AKAP6: variants seen among roughly 807,000 people sequenced by gnomAD.
AKAP6 encodes the protein A-kinase anchor protein 6.
Under a neutral mutation model 188.5 loss-of-function variants are expected in AKAP6, and 58 were observed. That is an observed-to-expected ratio of 0.31 (90% CI 0.25 to 0.38). AKAP6 has a LOEUF of 0.38. AKAP6 is among the 10% of genes least tolerant of loss of function. The pLI, the probability that AKAP6 is intolerant of heterozygous loss-of-function variation, is 1.00. For missense variants in AKAP6, 2,710 were observed against 2,740.0 expected (o/e 0.99, Z 0.24); for synonymous variants, 989 against 998.6 (o/e 0.99, Z 0.18).
chr14:32,547,780 G>T (rs1594732650), intron 4 of AKAP6, among the ~76,000 whole-genome samples: 1 of 151,854 alleles, frequency 6.6e-6, no homozygotes, highest in Admixed American at 6.6e-5. Context: ...GGAGGTTGAG[G>T]CTGCAGTGAG....
At chr14:32,346,221 A>G (rs1420984347) in intron 1 of AKAP6, among the ~76,000 whole-genome samples, 2 of 152,150 alleles carry the variant, frequency 1.3e-5, no homozygotes, top group African/African-American at 2.4e-5. Flanking sequence ...TGTGAAATTC[A>G]TGCTGGAGCT....
intron 1 of AKAP6, among the ~76,000 whole-genome samples, chr14:32,369,206 A>G (rs1214659754): frequency 1.3e-5 from 2 of 152,196 alleles, no homozygotes; most frequent in African/African-American, 4.8e-5. Flanking sequence ...ATATGCAGTG[A>G]GGTGGAAGGA....
chr14:32,537,392 T>C (rs1164640758), intron 3 of AKAP6, among the ~76,000 whole-genome samples: 1 of 152,188 alleles, frequency 6.6e-6, no homozygotes, highest in Non-Finnish European at 1.5e-5. Flanking sequence ...GGGACTGTTG[T>C]GGTTATGGGA....
intron 9 of AKAP6, among the ~76,000 whole-genome samples, chr14:32,700,295 C>T (rs981490793): frequency 6.6e-6 from 1 of 152,144 alleles, no homozygotes; most frequent in African/African-American, 2.4e-5. Context: ...TGACAGATCT[C>T]CTAGTGATCC....
chr14:32,823,326 A>T lies in AKAP6; in HGVS notation c.5513A>T (p.Asn1838Ile). 6.2e-7 allele frequency: 1 copy of T among 1,613,880 alleles called. No individual in the cohort carries two copies. ...GATATAAGTAGCAGTGAGATGACCA[A>T]TCCCTCTGATACTCTGAATATTGAG... Reference protein sequence around the residue: ...SKDISSSEMTNPSDTLNIETL... With the variant: ...SKDISSSEMTIPSDTLNIETL... Residue 1838 changes from asparagine (N) to isoleucine (I), a missense_variant, in exon 13 of 14, where the codon AAT becomes ATT. Asn to Ile is a moderately radical substitution (Grantham distance 149, BLOSUM62 -3). This residue lies in a region of AKAP6 where 2,473 missense variants were observed against 2,426.1 expected (regional missense o/e 1.02). Transcript: ENST00000280979.
intron 1 of AKAP6, among the ~76,000 whole-genome samples, chr14:32,408,631 A>G (rs1318028876): frequency 6.6e-6 from 1 of 151,922 alleles, no homozygotes; most frequent in Non-Finnish European, 1.5e-5. Context: ...GAATACAAGT[A>G]AATTGAGTGT....
chr14:32,507,591 A>T (rs966078223), intron 2 of AKAP6, among the ~76,000 whole-genome samples: 1 of 150,818 alleles, frequency 6.6e-6, no homozygotes, highest in Non-Finnish European at 1.5e-5. Context: ...CTACACACGC[A>T]GCAAGGTATT....
rs372234999 is a variant in AKAP6 at position 32,798,335 on chromosome 14, G to A, written c.3589-23067G>A. ...TTCACCCACTGTGGAAAGCAGTTTG[G>A]AGAGTTCTCAAAGAACTTAAAACCA... On this transcript the variant is annotated intron_variant, in intron 12 of 13. Coordinates refer to ENST00000280979, the MANE Select transcript of AKAP6 (RefSeq NM_004274.5). Among the ~76,000 whole-genome samples the A allele has an allele frequency of 2.6e-5, 4 of 152,240 alleles. No homozygotes were observed. The East Asian group carries it at 5.8e-4, about 22-fold the overall frequency.
chr14:32,595,043 C>G (rs1308015695), intron 5 of AKAP6, among the ~76,000 whole-genome samples: 1 of 152,024 alleles, frequency 6.6e-6, no homozygotes, highest in East Asian at 1.9e-4. Flanking sequence ...TTCTTCTATT[C>G]ACTTAGAAGG....
In AKAP6 at chr14:32,508,160, T is replaced by G. The variant is rs550145332; in HGVS notation, c.325-27394T>G. On this transcript the variant is annotated intron_variant, in intron 2 of 13. Transcript: ENST00000280979. ...CTTGATAAACTGGAATTAGGACTTT[T>G]GAATCTATCCTAACAGTCCTTAAGG... Among the ~76,000 whole-genome samples, 9 of 152,364 alleles carry G rather than the reference T, an allele frequency of 5.9e-5. No homozygotes were observed. The East Asian group carries it at 1.3e-3, about 23-fold the overall frequency.
intron 5 of AKAP6, among the ~76,000 whole-genome samples, chr14:32,587,612 G>T (rs1286251539): frequency 6.6e-6 from 1 of 152,116 alleles, no homozygotes; most frequent in Non-Finnish European, 1.5e-5. Flanking sequence ...AGAGAAGAGG[G>T]AATAGATTCA....
chr14:32,627,186 C>G (rs936777672), intron 7 of AKAP6, among the ~76,000 whole-genome samples: 1 of 152,114 alleles, frequency 6.6e-6, no homozygotes, highest in African/African-American at 2.4e-5. Flanking sequence ...CATCTTGTAT[C>G]TGTCCTTAGA....
At chr14:32,692,831 CTTTT>C (rs1890238159) in intron 8 of AKAP6, among the ~76,000 whole-genome samples, 1 of 152,066 alleles carries the variant, frequency 6.6e-6, no homozygotes, top group South Asian at 2.1e-4. Context: ...AAGCTTCTTT[CTTTT>C]GTCTTGCCAA....
intron 7 of AKAP6, among the ~76,000 whole-genome samples, chr14:32,663,440 T>C (rs1888788808): frequency 6.6e-6 from 1 of 152,086 alleles, no homozygotes; most frequent in African/African-American, 2.4e-5. Context: ...TATCATACTC[T>C]TGGGGAGCCT....
intron 1 of AKAP6, among the ~76,000 whole-genome samples, chr14:32,385,999 A>G (rs1344108890): frequency 9.4e-6 from 1 of 106,554 alleles, no homozygotes; most frequent in East Asian, 5.1e-4. Flanking sequence ...TATTCATCAT[A>G]TGTATCTATA....
intron 7 of AKAP6, among the ~76,000 whole-genome samples, chr14:32,604,498 C>T (rs1886056536): frequency 6.6e-6 from 1 of 152,080 alleles, no homozygotes; most frequent in South Asian, 2.1e-4. Context: ...TCAGAATGCT[C>T]ATGCTTTCTA....
At chr14:32,449,187 G>A (rs1314465170) in intron 2 of AKAP6, among the ~76,000 whole-genome samples, 1 of 152,172 alleles carries the variant, frequency 6.6e-6, no homozygotes, top group Admixed American at 6.5e-5. Context: ...ATTGGGAGAA[G>A]TAATGCATTC....
chr14:32,718,498 G>A (rs575179378), intron 9 of AKAP6, among the ~76,000 whole-genome samples: 2 of 152,096 alleles, frequency 1.3e-5, no homozygotes, highest in African/African-American at 2.4e-5. Flanking sequence ...TTAGCCTTTC[G>A]CATTCTGATC....
intron 1 of AKAP6, among the ~76,000 whole-genome samples, chr14:32,348,858 AT>A (rs371797857): frequency 2.6e-5 from 4 of 152,044 alleles, no homozygotes; most frequent in Admixed American, 1.3e-4. Flanking sequence ...GTGGCCCTAA[AT>A]TTTTTACTTA....
Sources: allele counts gnomAD v4.1 joint callset (sites outside exome capture counted in the v4.1 genomes callset), GRCh38; gene constraint gnomAD v4.1.1; regional missense constraint gnomAD v4.1.1; transcripts MANE v1.5; gene names NCBI Gene and HGNC (gene_info 2026-07-23, HGNC 2026-07-21).